CRPPA: variants seen among roughly 807,000 people sequenced by gnomAD.
CRPPA encodes D-ribitol-5-phosphate cytidylyltransferase.
Under a neutral mutation model 52.0 loss-of-function variants are expected in CRPPA, and 43 were observed. The ratio of observed to expected loss-of-function variants is 0.83; its 90% CI spans 0.65 to 1.07. The LOEUF is 1.07. Ranked by LOEUF, CRPPA falls within the 50% of genes least tolerant of loss-of-function variation. CRPPA has a pLI of 0.00. For synonymous variants in CRPPA, 250 were observed against 203.5 expected, an observed-to-expected ratio of 1.23 and a Z score of -1.94; for missense variants, 629 against 551.7, an observed-to-expected ratio of 1.14 and a Z score of -1.40.
Position 16,301,333 on chromosome 7 carries a change from A to G in CRPPA, c.835+88T>C, listed in dbSNP as rs371361320. 115 of 1,053,626 alleles carry G rather than the reference A, an allele frequency of 1.1e-4. No individual in the cohort carries two copies. In the African/African-American group the frequency reaches 1.6e-3, roughly 15 times the overall value. The allele number at this position is 1,053,626 out of a possible 1,614,324, so 65.3% of individuals were successfully genotyped here. A position where few individuals can be genotyped will look rare whatever the true frequency, so the allele number is the denominator to read the frequency against. On this transcript the variant is annotated intron_variant, in intron 5 of 9. Transcript: ENST00000407010. Reference sequence around the variant, plus strand: ...GCCTACAGGCTTTTCTGCTTTTGAGATTGCTGGGATTTAAACTGTCATGAG... The same window carrying G: ...GCCTACAGGCTTTTCTGCTTTTGAGGTTGCTGGGATTTAAACTGTCATGAG...
chr7:16,276,243 G>A (rs1047851006), intron 6 of CRPPA, among the ~76,000 whole-genome samples: 4 of 151,970 alleles, frequency 2.6e-5, no homozygotes, highest in Non-Finnish European at 5.9e-5. Flanking sequence ...GAAAACTGAA[G>A]TAACCAAACA....
intron 8 of CRPPA, among the ~76,000 whole-genome samples, chr7:16,243,774 T>C (rs1160077182): frequency 6.6e-6 from 1 of 152,144 alleles, no homozygotes; most frequent in East Asian, 1.9e-4. Context: ...AAGACCAGAT[T>C]GGGCAGCACA....
intron 3 of CRPPA, among the ~76,000 whole-genome samples, chr7:16,358,540 A>G (rs1307372798): frequency 6.6e-6 from 1 of 152,142 alleles, no homozygotes; most frequent in South Asian, 2.1e-4. Context: ...CAAAATATAT[A>G]TCACAGTTTA....
At chr7:16,119,628 C>T (rs1045742703) in intron 9 of CRPPA, among the ~76,000 whole-genome samples, 6 of 152,194 alleles carry the variant, frequency 3.9e-5, no homozygotes, top group East Asian at 1.9e-4. Flanking sequence ...AAAGTCTGAA[C>T]GTAATTTAAA....
chr7:16,274,751 A>C (rs1784167017), intron 6 of CRPPA, among the ~76,000 whole-genome samples: 1 of 152,196 alleles, frequency 6.6e-6, no homozygotes, highest in African/African-American at 2.4e-5. Context: ...TTTATAGACG[A>C]ATTAGATACT....
chr7:16,360,071 T>G (rs570704998), intron 3 of CRPPA, among the ~76,000 whole-genome samples: 1 of 152,214 alleles, frequency 6.6e-6, no homozygotes, highest in Non-Finnish European at 1.5e-5. Flanking sequence ...TGCATTTTTA[T>G]AAATTGTCTA....
intron 3 of CRPPA, among the ~76,000 whole-genome samples, chr7:16,369,248 G>T (rs748963140): frequency 5.9e-5 from 9 of 152,164 alleles, no homozygotes; most frequent in Non-Finnish European, 8.8e-5. Context: ...CACATGAAAG[G>T]GTCGTGACTG....
At chr7:16,227,309 C>T (rs1324188462) in intron 8 of CRPPA, among the ~76,000 whole-genome samples, 1 of 151,796 alleles carries the variant, frequency 6.6e-6, no homozygotes, top group Non-Finnish European at 1.5e-5. Context: ...TAGGAATCTC[C>T]ATACTGCTTT....
intron 9 of CRPPA, among the ~76,000 whole-genome samples, chr7:16,162,837 C>G (rs1188653319): frequency 2.6e-5 from 4 of 152,024 alleles, no homozygotes; most frequent in Admixed American, 6.6e-5. Flanking sequence ...TCTCTAAGAA[C>G]TTGCTTTATG....
chr7:16,254,005 C>A (rs1188304650), intron 8 of CRPPA, among the ~76,000 whole-genome samples: 1 of 152,138 alleles, frequency 6.6e-6, no homozygotes, highest in African/African-American at 2.4e-5. Flanking sequence ...CATCACCGGC[C>A]ATCAGAGAAA....
At chr7:16,225,275 A>C (rs1782617779) in intron 8 of CRPPA, among the ~76,000 whole-genome samples, 1 of 151,998 alleles carries the variant, frequency 6.6e-6, no homozygotes, top group African/African-American at 2.4e-5. Flanking sequence ...CTAACTTCAA[A>C]AGTATTTTAA....
chr7:16,323,785 A>C (rs1433814816), intron 3 of CRPPA, among the ~76,000 whole-genome samples: 1 of 152,234 alleles, frequency 6.6e-6, no homozygotes, highest in African/African-American at 2.4e-5. Context: ...AAAGTAAAAA[A>C]CTACAGATAC....
intron 5 of CRPPA, among the ~76,000 whole-genome samples, chr7:16,284,405 C>T (rs1784380768): frequency 6.6e-6 from 1 of 152,056 alleles, no homozygotes; most frequent in African/African-American, 2.4e-5. Flanking sequence ...GTGCCTGGTA[C>T]AAGAAAACAC....
rs146674323 is a variant in CRPPA at position 16,172,058 on chromosome 7, C to T, written c.1251+44008G>A. On this transcript the variant is annotated intron_variant, in intron 9 of 9. Coordinates refer to ENST00000407010, the MANE Select transcript of CRPPA (RefSeq NM_001101426.4). ...TGGTTCACCTCAGCTTACGAAAGCA[C>T]GCTTTCTTTGCTTCCTTCCTCAAAC... is the stretch of plus-strand genomic sequence containing the variant. Among the ~76,000 whole-genome samples the T allele has an allele frequency of 3.1e-3, 469 of 152,302 alleles. 3 individuals are homozygous for T. Among genetic ancestry groups the T allele is most frequent in the African/African-American group, 0.011 (443 of 41,564 alleles).
rs1379113061 is a variant in CRPPA, at chr7:16,088,139, A to T, written c.*3556T>A. The T allele has an allele frequency of 6.6e-6, 1 of 152,174 alleles. No homozygotes were observed. The highest frequency in any genetic ancestry group is 1.5e-5 in the Non-Finnish European group (1 of 68,018). The allele number at this position is 152,174 out of a possible 1,614,324, so 9.4% of individuals were successfully genotyped here. A position where few individuals can be genotyped will look rare whatever the true frequency, so the allele number is the denominator to read the frequency against. ...ATGAAAAAAAATAGGACCTCTACCA[A>T]AATGTCATTAATCAAACCATTACTC... On this transcript the variant is annotated 3_prime_UTR_variant, in exon 10 of 10. Coordinates refer to ENST00000407010, the MANE Select transcript of CRPPA (RefSeq NM_001101426.4).
intron 9 of CRPPA, among the ~76,000 whole-genome samples, chr7:16,103,784 T>C (rs1032915654): frequency 1.3e-5 from 2 of 152,182 alleles, no homozygotes; most frequent in African/African-American, 4.8e-5. Context: ...GAACATATGA[T>C]AACTTATAGG....
intron 9 of CRPPA, among the ~76,000 whole-genome samples, chr7:16,099,475 A>T (rs1042089534): frequency 1.3e-4 from 19 of 146,972 alleles, no homozygotes; most frequent in African/African-American, 4.3e-4. Flanking sequence ...ACATAAGGAG[A>T]AGGGAAGAGG....
intron 9 of CRPPA, among the ~76,000 whole-genome samples, chr7:16,157,878 T>C (rs1220859052): frequency 6.6e-6 from 1 of 151,844 alleles, no homozygotes; most frequent in Admixed American, 6.6e-5. Context: ...ATTTCTTTTT[T>C]TTTTTATTTT....
intron 9 of CRPPA, among the ~76,000 whole-genome samples, chr7:16,162,355 C>T (rs1309006656): frequency 2.6e-5 from 4 of 152,094 alleles, no homozygotes; most frequent in Non-Finnish European, 5.9e-5. Context: ...TAGCTGTGTC[C>T]CAGATATTCT....
Sources: allele counts gnomAD v4.1 joint callset (sites outside exome capture counted in the v4.1 genomes callset), GRCh38; gene constraint gnomAD v4.1.1; transcripts MANE v1.5; gene names NCBI Gene and HGNC (gene_info 2026-07-23, HGNC 2026-07-21).